SPOCK3: variants seen among roughly 807,000 people sequenced by gnomAD.
The protein encoded by SPOCK3 is SPARC (osteonectin), cwcv and kazal like domains proteoglycan 3.
In SPOCK3, 30 loss-of-function variants were observed where a neutral mutation model predicts 56.6. The ratio of observed to expected loss-of-function variants is 0.53; its 90% CI spans 0.40 to 0.72. The LOEUF is 0.72. SPOCK3 is among the 30% of genes least tolerant of loss of function. SPOCK3 has a pLI of 0.00. For synonymous variants in SPOCK3, 196 were observed against 183.3 expected, an observed-to-expected ratio of 1.07 and a Z score of -0.56; for missense variants, 527 against 530.0, an observed-to-expected ratio of 0.99 and a Z score of 0.06.
intron 1 of SPOCK3, 50 bp downstream of exon 1, chr4:167,234,400 C>T: frequency 1.7e-6 from 1 of 584,652 alleles, no homozygotes; most frequent in South Asian, 2.1e-5. Flanking sequence ...GGAAGCAAGC[C>T]CCAGCCGCAG....
chr4:166,754,776 A>G (rs754526007), intron 7 of SPOCK3, 47 bp from the exon 8 acceptor site: 17 of 1,594,544 alleles, frequency 1.1e-5, no homozygotes, highest in Non-Finnish European at 8.6e-7. Flanking sequence ...GAAAGACACC[A>G]TTAGCAGAAA....
chr4:167,212,343 G>A (rs1387634924), intron 2 of SPOCK3, among the ~76,000 whole-genome samples: 1 of 151,794 alleles, frequency 6.6e-6, no homozygotes, highest in Non-Finnish European at 1.5e-5. Flanking sequence ...CCAGTTGCAA[G>A]AGAATTTCCT....
intron 6 of SPOCK3, among the ~76,000 whole-genome samples, chr4:166,828,902 G>T (rs1171112833): frequency 1.3e-5 from 2 of 151,926 alleles, no homozygotes; most frequent in Non-Finnish European, 2.9e-5. Context: ...TTAATAGAGA[G>T]GAATGTGCTG....
At chr4:167,206,866 T>C (rs1329910945) in intron 2 of SPOCK3, among the ~76,000 whole-genome samples, 1 of 152,008 alleles carries the variant, frequency 6.6e-6, no homozygotes, top group Non-Finnish European at 1.5e-5. Flanking sequence ...AAAAAATCTG[T>C]TATAGGATAC....
At chr4:167,054,629 G>GA (rs1463609155) in intron 3 of SPOCK3, among the ~76,000 whole-genome samples, 1 of 152,168 alleles carries the variant, frequency 6.6e-6, no homozygotes, top group Non-Finnish European at 1.5e-5. Context: ...TTTTGCAGCA[G>GA]ATTACCATCA....
At chr4:167,090,793 G>C (rs1023579797) in intron 2 of SPOCK3, among the ~76,000 whole-genome samples, 1 of 152,020 alleles carries the variant, frequency 6.6e-6, no homozygotes, top group Non-Finnish European at 1.5e-5. Flanking sequence ...ATGAGCCACC[G>C]AGCTCAGCTG....
chr4:167,014,569 T>G (rs1187904032), intron 3 of SPOCK3, among the ~76,000 whole-genome samples: 2 of 152,098 alleles, frequency 1.3e-5, no homozygotes, highest in East Asian at 3.9e-4. Flanking sequence ...GCAGAAGGAT[T>G]ACTTAAGTTC....
At chr4:167,142,644 A>G (rs985147700) in intron 2 of SPOCK3, among the ~76,000 whole-genome samples, 2 of 151,888 alleles carry the variant, frequency 1.3e-5, no homozygotes, top group African/African-American at 4.8e-5. Context: ...TGAAAACCGA[A>G]CTAAAGTTTT....
chr4:167,076,461 T>TA (rs563140269), intron 2 of SPOCK3, among the ~76,000 whole-genome samples: 18 of 151,218 alleles, frequency 1.2e-4, no homozygotes, highest in Admixed American at 3.3e-4. Flanking sequence ...AAAACTGTTC[T>TA]AAAAAAAAGA....
chr4:166,894,740 T>C (rs1356921981), intron 5 of SPOCK3, among the ~76,000 whole-genome samples: 1 of 152,120 alleles, frequency 6.6e-6, no homozygotes, highest in Non-Finnish European at 1.5e-5. Context: ...AACAAAACCA[T>C]ACCTAACCCT....
At chr4:166,904,443 A>G (rs185266249) in intron 5 of SPOCK3, among the ~76,000 whole-genome samples, 3 of 152,212 alleles carry the variant, frequency 2.0e-5, no homozygotes, top group African/African-American at 7.2e-5. Context: ...TGACAAAAAG[A>G]TTACAGAACT....
At chr4:167,234,238 A>C in intron 1 of SPOCK3, 65 bp from the exon 2 acceptor site, 2 of 1,534,760 alleles carry the variant, frequency 1.3e-6, no homozygotes, top group Non-Finnish European at 1.8e-6. Flanking sequence ...GTACGAAGCC[A>C]GGAGCGACCC....
At chr4:166,868,774 T>A (rs1017552652) in intron 6 of SPOCK3, among the ~76,000 whole-genome samples, 7 of 152,140 alleles carry the variant, frequency 4.6e-5, no homozygotes, top group African/African-American at 1.7e-4. Context: ...AATGGCTACA[T>A]GCTATGTGTA....
At chr4:167,033,950 A>C (rs1752501571) in intron 3 of SPOCK3, among the ~76,000 whole-genome samples, 1 of 152,094 alleles carries the variant, frequency 6.6e-6, no homozygotes, top group Non-Finnish European at 1.5e-5. Flanking sequence ...TACTAAGCAA[A>C]TTAGCAAATG....
chr4:167,202,893 A>T (rs1332985764), intron 2 of SPOCK3, among the ~76,000 whole-genome samples: 2 of 151,918 alleles, frequency 1.3e-5, no homozygotes, highest in Non-Finnish European at 2.9e-5. Context: ...GATATTTAAT[A>T]GTAATTTTTT....
chr4:166,752,970 T>A (rs1285627571), intron 8 of SPOCK3, among the ~76,000 whole-genome samples: 2 of 106,308 alleles, frequency 1.9e-5, no homozygotes, highest in Non-Finnish European at 4.0e-5. Context: ...TATGGCTATA[T>A]AAAAATTAAC....
At chr4:167,007,255 A>T (rs77279793) in intron 3 of SPOCK3, among the ~76,000 whole-genome samples, 2,874 of 152,254 alleles carry the variant, frequency 0.019, 34 homozygotes, top group Non-Finnish European at 0.03. Context: ...CCCAGAGGGT[A>T]CCAAAATCCG....
At chr4:167,220,578 G>C (rs59089845) in intron 2 of SPOCK3, among the ~76,000 whole-genome samples, 3,766 of 150,898 alleles carry the variant, frequency 0.025, 170 homozygotes, top group African/African-American at 0.086. Flanking sequence ...CTGAGATGAG[G>C]TCTGGCTTTT....
At chr4:166,951,389 T>C (rs1221910145) in intron 4 of SPOCK3, among the ~76,000 whole-genome samples, 1 of 139,040 alleles carries the variant, frequency 7.2e-6, no homozygotes, top group Non-Finnish European at 1.5e-5. Flanking sequence ...CAGGAAGAAG[T>C]TGAATCTCTG....
Sources: allele counts gnomAD v4.1 joint callset (sites outside exome capture counted in the v4.1 genomes callset), GRCh38; gene constraint gnomAD v4.1.1; transcripts MANE v1.5; gene names NCBI Gene and HGNC (gene_info 2026-07-23, HGNC 2026-07-21).